Variants in SFXN1 observed in about 807,000 individuals in gnomAD.
The protein encoded by SFXN1 is sideroflexin-1.
A neutral mutation model predicts 39.5 loss-of-function variants in SFXN1; 32 were observed. The observed-to-expected ratio is 0.81, with a 90% CI of 0.61 to 1.09. SFXN1 has a LOEUF of 1.09. Among genes scored for constraint, SFXN1 ranks in the 50% least tolerant of loss-of-function variants. The pLI is 0.00. For missense variants in SFXN1, 402 were observed against 407.1 expected (o/e 0.99, Z 0.11); for synonymous variants, 136 against 146.5 (o/e 0.93, Z 0.52).
intron 2 of SFXN1, among the ~76,000 whole-genome samples, chr5:175,506,412 GAAAA>G (rs1760299613): frequency 6.6e-6 from 1 of 152,156 alleles, no homozygotes; most frequent in Non-Finnish European, 1.5e-5. Flanking sequence ...GTCAAGTAGA[GAAAA>G]AAGATAGAAG....
chr5:175,493,818 A>G (rs186351905), intron 2 of SFXN1, among the ~76,000 whole-genome samples: 37 of 152,120 alleles, frequency 2.4e-4, no homozygotes, highest in African/African-American at 8.9e-4. Flanking sequence ...AGAGGTCGGC[A>G]AACTTTTTCC....
intron 1 of SFXN1, among the ~76,000 whole-genome samples, chr5:175,480,343 G>A: frequency 6.6e-6 from 1 of 152,076 alleles, no homozygotes; most frequent in East Asian, 1.9e-4. Context: ...GGAGCTTGCA[G>A]TGAGCCGAGA....
intron 2 of SFXN1, among the ~76,000 whole-genome samples, chr5:175,505,775 C>T (rs1182741014): frequency 6.6e-6 from 1 of 152,084 alleles, no homozygotes; most frequent in Non-Finnish European, 1.5e-5. Flanking sequence ...AAACTCTCAA[C>T]TGATGCAGGC....
chr5:175,507,927 CATGCCATTGCACTCCAGCCTGGGTGACAG>C (rs1220579445), intron 2 of SFXN1, among the ~76,000 whole-genome samples: 1 of 148,554 alleles, frequency 6.7e-6, no homozygotes, highest in East Asian at 2.0e-4. Flanking sequence ...GAGCTGAGAT[CATGCCATTGCACTCCAGCCTGGGTGACAG>C]AGTGAGACCC....
intron 2 of SFXN1, among the ~76,000 whole-genome samples, chr5:175,506,238 A>T (rs1760287343): frequency 6.6e-6 from 1 of 152,230 alleles, no homozygotes; most frequent in African/African-American, 2.4e-5. Flanking sequence ...CTAGATAGAA[A>T]CTTTATTCCT....
Position 175,492,240 on chromosome 5 carries a change from G to T in SFXN1, c.137G>T (p.Ser46Ile), listed in dbSNP as rs150808768. ...CTGTTAACCAACGAACAACTCGAGA[G>T]TGCGAGAAAAATAGTACATGATTAC... ...NILLTNEQLESARKIVHDYRQ... is the reference protein window; with the variant it reads ...NILLTNEQLEIARKIVHDYRQ... The change falls in exon 2 of 11, where the codon AGT (serine) becomes ATT (isoleucine). Residue 46 changes from serine (S) to isoleucine (I), a missense_variant. Ser to Ile is a moderately radical substitution (Grantham distance 142). Transcript: ENST00000321442. 2 of 1,612,282 alleles carry T rather than the reference G, an allele frequency of 1.2e-6. No individual in the cohort carries two copies. The highest frequency in any genetic ancestry group is 4.5e-5 in the East Asian group (2 of 44,832).
At chr5:175,479,937 G>A (rs1271138775) in intron 1 of SFXN1, among the ~76,000 whole-genome samples, 1 of 152,150 alleles carries the variant, frequency 6.6e-6, no homozygotes, top group Non-Finnish European at 1.5e-5. Context: ...TAGGTGCCCA[G>A]GGAGGATGCA....
At chr5:175,511,371 T>G in intron 4 of SFXN1, 80 bp from the exon 5 acceptor site, 1 of 1,062,216 alleles carries the variant, frequency 9.4e-7, no homozygotes, top group Non-Finnish European at 1.5e-6. Context: ...TATATTTCCC[T>G]TTTATTTCTT....
At chr5:175,505,868 G>A (rs1442561026) in intron 2 of SFXN1, among the ~76,000 whole-genome samples, 2 of 152,184 alleles carry the variant, frequency 1.3e-5, no homozygotes, top group African/African-American at 4.8e-5. Flanking sequence ...TGCCCAGGCT[G>A]GAGTGCAGTG....
At chr5:175,483,058 A>T (rs1405050440) in intron 1 of SFXN1, among the ~76,000 whole-genome samples, 1 of 152,244 alleles carries the variant, frequency 6.6e-6, no homozygotes, top group African/African-American at 2.4e-5. Flanking sequence ...TGAGAAATCT[A>T]TTGGGATGAG....
chr5:175,510,403 G>A (rs1303669495), intron 4 of SFXN1, 196 bp downstream of exon 4: 21 of 549,898 alleles, frequency 3.8e-5, no homozygotes, highest in Non-Finnish European at 6.7e-5. Context: ...CAAGAAAACA[G>A]TCTTCTTCCA....
At chr5:175,489,561 A>C (rs1276084122) in intron 1 of SFXN1, among the ~76,000 whole-genome samples, 1 of 152,220 alleles carries the variant, frequency 6.6e-6, no homozygotes, top group Admixed American at 6.5e-5. Context: ...ACAATGACAT[A>C]CATTTCTTGT....
chr5:175,491,089 C>T (rs1470084480), intron 1 of SFXN1, among the ~76,000 whole-genome samples: 2 of 152,088 alleles, frequency 1.3e-5, no homozygotes, highest in Admixed American at 1.3e-4. Flanking sequence ...CTAAAATAAA[C>T]ATGTATTACT....
intron 8 of SFXN1, among the ~76,000 whole-genome samples, chr5:175,521,024 G>T (rs1760863990): frequency 6.6e-6 from 1 of 151,972 alleles, no homozygotes; most frequent in Non-Finnish European, 1.5e-5. Context: ...ACCAGGGTAT[G>T]CCTCCCATGC....
chr5:175,492,224 A>G lies in SFXN1; in HGVS notation c.121A>G (p.Asn41Asp). ...VTDPRNILLT[N>D]EQLESARKIV... Reference sequence around the variant, plus strand: ...TGACCCCAGGAACATTCTGTTAACCAACGAACAACTCGAGAGTGCGAGAAA... The same window carrying G: ...TGACCCCAGGAACATTCTGTTAACCGACGAACAACTCGAGAGTGCGAGAAA... Residue 41 changes from asparagine (N) to aspartate (D), a missense_variant, in exon 2 of 11, where the codon AAC becomes GAC. Physicochemically the swap from Asn to Asp is conservative, Grantham distance 23. Transcript: ENST00000321442. 1.2e-6 allele frequency: 2 copies of G among 1,613,722 alleles called. No individual in the cohort carries two copies. The highest frequency in any genetic ancestry group is 1.7e-6 in the Non-Finnish European group (2 of 1,179,934).
At chr5:175,506,356 AT>A (rs1760293087) in intron 2 of SFXN1, among the ~76,000 whole-genome samples, 1 of 152,222 alleles carries the variant, frequency 6.6e-6, no homozygotes, top group Non-Finnish European at 1.5e-5. Context: ...AATTACATAA[AT>A]AACAATGATG....
intron 2 of SFXN1, among the ~76,000 whole-genome samples, chr5:175,497,442 A>G (rs186271663): frequency 1.8e-4 from 28 of 152,352 alleles, no homozygotes; most frequent in African/African-American, 6.0e-4. Flanking sequence ...AAAAATGGCT[A>G]ACATTAAAAA....
At chr5:175,512,491 C>T (rs1374061768) in intron 6 of SFXN1, among the ~76,000 whole-genome samples, 5 of 152,156 alleles carry the variant, frequency 3.3e-5, no homozygotes, top group African/African-American at 1.2e-4. Flanking sequence ...AGATATATCT[C>T]AAGCTTACAT....
intron 2 of SFXN1, among the ~76,000 whole-genome samples, chr5:175,501,238 T>G (rs183187891): frequency 2.0e-4 from 31 of 151,750 alleles, no homozygotes; most frequent in African/African-American, 7.3e-4. Flanking sequence ...CCAGCTAATT[T>G]TTTGTATTTT....
Sources: allele counts gnomAD v4.1 joint callset (sites outside exome capture counted in the v4.1 genomes callset), GRCh38; gene constraint gnomAD v4.1.1; transcripts MANE v1.5; gene names NCBI Gene and HGNC (gene_info 2026-07-23, HGNC 2026-07-21).